MEGF6: variants seen among roughly 807,000 people sequenced by gnomAD.
MEGF6 encodes multiple EGF like domains 6, also known as multiple epidermal growth factor-like domains protein 6.
Under a neutral mutation model 207.1 loss-of-function variants are expected in MEGF6, and 184 were observed. That is an observed-to-expected ratio of 0.89 (90% confidence interval 0.79 to 1.00). MEGF6 has a LOEUF of 1.00. Ranked by LOEUF, MEGF6 falls within the 50% of genes least tolerant of loss-of-function variation. The pLI is 0.00. For synonymous variants in MEGF6, 1,038 were observed against 910.0 expected, an observed-to-expected ratio of 1.14 and a Z score of -2.53; for missense variants, 2,282 against 2,202.9, an observed-to-expected ratio of 1.04 and a Z score of -0.72.
chr1:3,512,022 A>G lies in MEGF6; in HGVS notation c.960T>C (p.Asp320=), dbSNP rs1641368385. The G allele has an allele frequency of 1.2e-6, 2 of 1,612,402 alleles. No individual in the cohort carries two copies. The highest frequency in any genetic ancestry group is 2.2e-5 in the South Asian group (2 of 91,058). Residue 320 remains aspartate (D), a synonymous_variant, in exon 8 of 37, where the codon GAT becomes GAC. Transcript: ENST00000356575. ...CCCACTCACGGTAGCACTGCCGGCC[A>G]TCGGCGCCCAGCTCATAGCCCGCGT... ...VCHAGYELGA[D]GRQCYRIEME... is the part of the protein sequence containing the mutation.
chr1:3,524,303 A>C, intron 4 of MEGF6, 57 bp from the exon 5 acceptor site: 1 of 1,579,670 alleles, frequency 6.3e-7, no homozygotes, highest in Non-Finnish European at 8.7e-7. Context: ...CTGCTTTGCC[A>C]ACACAGCCCC....
chr1:3,591,254 G>A (rs1019600685), intron 3 of MEGF6, among the ~76,000 whole-genome samples: 3 of 152,248 alleles, frequency 2.0e-5, no homozygotes, highest in African/African-American at 7.2e-5. Flanking sequence ...CAGAGCCTCA[G>A]CTGAGCACGG....
chr1:3,493,441 G>A, intron 34 of MEGF6: 1 of 403,076 alleles, frequency 2.5e-6, no homozygotes, highest in Non-Finnish European at 4.5e-6. Flanking sequence ...AGGGGCCACA[G>A]CCCCCTTGAT....
chr1:3,493,902 G>A lies in MEGF6; in HGVS notation c.4259-3C>T, dbSNP rs1640483928. ...TCCAAATGAACCTGGCTCACACCCT[G>A]GTGGGGGCAGTGGGCTCAGTGTCCC... is the stretch of plus-strand genomic sequence containing the variant. On this transcript the variant is annotated splice_polypyrimidine_tract_variant and splice_region_variant and intron_variant, in intron 33 of 36. Transcript: ENST00000356575. 1.9e-6 allele frequency: 3 copies of A among 1,588,654 alleles called. No individual in the cohort carries two copies. Among genetic ancestry groups the A allele is most frequent in the Admixed American group, 3.6e-5 (2 of 55,744 alleles).
intron 4 of MEGF6, among the ~76,000 whole-genome samples, chr1:3,574,843 A>G (rs1443424831): frequency 6.6e-6 from 1 of 152,120 alleles, no homozygotes; most frequent in African/African-American, 2.4e-5. Context: ...GGGTTTCACC[A>G]TGTTGCTCAG....
At chr1:3,567,848 C>T (rs1643391031) in intron 4 of MEGF6, among the ~76,000 whole-genome samples, 2 of 152,238 alleles carry the variant, frequency 1.3e-5, no homozygotes, top group East Asian at 1.9e-4. Context: ...GGTAGGACCT[C>T]GGCATAGGAA....
chr1:3,492,122 C>A (rs1320313854), intron 35 of MEGF6, among the ~76,000 whole-genome samples: 1 of 152,038 alleles, frequency 6.6e-6, no homozygotes, highest in Non-Finnish European at 1.5e-5. Context: ...TGCAGGACTG[C>A]GTGCGTGGAC....
intron 5 of MEGF6, among the ~76,000 whole-genome samples, chr1:3,519,169 T>TG (rs1641649537): frequency 6.6e-6 from 1 of 151,908 alleles, no homozygotes; most frequent in Non-Finnish European, 1.5e-5. Flanking sequence ...CCCCCACCCC[T>TG]GGCCAGGGCC....
rs1005822829 is a variant in MEGF6, at chr1:3,594,551, G to A, written c.376+787C>T. On this transcript the variant is annotated intron_variant, in intron 3 of 36. Transcript: ENST00000356575. This position sits in a 1 kb window ranked among gnomAD's most constrained non-coding sequence, Gnocchi z 4.2. ...CCACCTCGATTTTTTAGGGGAGGCC[G>A]GCTTTATGGGACAGGGTCCCATGAC... 3.3e-5 allele frequency among the ~76,000 whole-genome samples: 5 copies of A among 152,204 alleles called. No individual in the cohort carries two copies. The highest frequency in any genetic ancestry group is 9.6e-5 in the African/African-American group (4 of 41,454).
At chr1:3,521,059 G>A (rs1005742752) in intron 5 of MEGF6, among the ~76,000 whole-genome samples, 3 of 152,162 alleles carry the variant, frequency 2.0e-5, no homozygotes, top group African/African-American at 7.2e-5. Context: ...AGAGCCTCAA[G>A]CCCGTGGGGG....
rs371674123 is a variant in MEGF6, at chr1:3,494,627, C to T, written c.3986G>A (p.Arg1329Gln). 268 of 1,562,408 alleles carry T rather than the reference C, an allele frequency of 1.7e-4. 6 individuals are homozygous for T. In the South Asian group the frequency reaches 1.9e-3, roughly 11 times the overall value. The change falls in exon 31 of 37, where the codon CGG (arginine) becomes CAG (glutamine). Residue 1329 changes from arginine (R) to glutamine (Q), a missense_variant. Coordinates refer to ENST00000356575, the MANE Select transcript of MEGF6 (RefSeq NM_001409.4). The stretch of plus-strand genomic sequence containing the variant: ...CGCACACTCACCCAGCTCGCAGTGC[C>T]GCCCCGTCCAGCCCAGGCCACAGGA... ...SCSCGLGWTG[R>Q]HCELACPPGR...
intron 34 of MEGF6, 132 bp from the exon 35 acceptor site, chr1:3,492,899 C>A (rs1217956572): frequency 1.1e-5 from 14 of 1,318,558 alleles, no homozygotes; most frequent in Non-Finnish European, 1.4e-5. Context: ...TGTGCGGGAG[C>A]TAAGACCTTG....
At position 3,509,170 on chromosome 1, in the gene MEGF6, T is replaced by C; in HGVS notation, c.1433A>G (p.Gln478Arg). 6.3e-7 allele frequency: 1 copy of C among 1,582,164 alleles called. No individual in the cohort carries two copies. Among genetic ancestry groups the C allele is most frequent in the Non-Finnish European group, 8.6e-7 (1 of 1,164,830 alleles). Residue 478 changes from glutamine to arginine, a missense_variant, in exon 12 of 37, where the codon CAG becomes CGG. Transcript: ENST00000356575. ...CTGGAAGAGTTGCGGCAGCTCGTCCTGGAGCACGGCAATGTGGGGCAGGGG... is the reference window on the plus strand; with the variant it reads ...CTGGAAGAGTTGCGGCAGCTCGTCCCGGAGCACGGCAATGTGGGGCAGGGG... ...VRPLPHIAVL[Q>R]DELPQLFQDD...
At chr1:3,613,868 G>A (rs1177166662), upstream of MEGF6, among the ~76,000 whole-genome samples, 1 of 151,840 alleles carries the variant, frequency 6.6e-6, no homozygotes, top group African/African-American at 2.4e-5. Context: ...CCCTGTCCCA[G>A]GCACTGCCGC....
At chr1:3,600,791 C>G (rs1644144222) in intron 2 of MEGF6, among the ~76,000 whole-genome samples, 1 of 152,158 alleles carries the variant, frequency 6.6e-6, no homozygotes, top group South Asian at 2.1e-4. Flanking sequence ...GGGGCTGGTT[C>G]CAGTAGAGCA....
Position 3,560,019 on chromosome 1 carries a change from GAAAAAAAA to G in MEGF6, c.481+19798_481+19805del, listed in dbSNP as rs56851590. 2.1e-5 allele frequency among the ~76,000 whole-genome samples: 2 copies of G among 97,486 alleles called. No homozygotes were observed. Among genetic ancestry groups the G allele is most frequent in the African/African-American group, 8.0e-5 (2 of 24,848 alleles). The allele number at this position is 97,486 out of a possible 152,430, so 64.0% of individuals were successfully genotyped here. On this transcript the variant is annotated intron_variant, in intron 4 of 36. Coordinates refer to ENST00000356575, the MANE Select transcript of MEGF6 (RefSeq NM_001409.4). The surrounding 1 kb of genome is among the most constrained non-coding windows in gnomAD (Gnocchi z 4.0). ...TATGAGAGTCCGTCTCAAAATAAAA[GAAAAAAAA>G]AAAAAAAAAGGAAACACGATGAGCC...
intron 4 of MEGF6, among the ~76,000 whole-genome samples, chr1:3,540,501 G>A (rs1642482246): frequency 6.6e-6 from 1 of 152,224 alleles, no homozygotes; most frequent in Non-Finnish European, 1.5e-5. Context: ...GAGGGATGCT[G>A]AGGCCTCACC....
intron 4 of MEGF6, among the ~76,000 whole-genome samples, chr1:3,539,214 T>C (rs941018815): frequency 5.9e-5 from 9 of 151,930 alleles, no homozygotes; most frequent in Non-Finnish European, 1.3e-4. Context: ...GCAGTGTCAC[T>C]ACAGACCCAA....
chr1:3,615,657 G>A (rs545060093), upstream of MEGF6, among the ~76,000 whole-genome samples: 71 of 152,358 alleles, frequency 4.7e-4, no homozygotes, highest in African/African-American at 1.6e-3. Context: ...AAATGTAGAT[G>A]CCCGCACCCG....
Sources: gnomAD v4.1 joint callset for allele counts (sites outside exome capture counted in the v4.1 genomes callset) on GRCh38, gnomAD v4.1.1 for gene constraint, Gnocchi (gnomAD v3.1) non-coding constraint, MANE v1.5 for transcripts, NCBI Gene and HGNC (gene_info 2026-07-23, HGNC 2026-07-21) for gene names.